The following VPS50 variants were observed in gnomAD, a reference collection of about 807,000 sequenced individuals.
VPS50 encodes VPS50 subunit of EARP/GARPII complex, also known as syndetin.
VPS50 carries 70 observed loss-of-function variants against 139.7 expected under a neutral mutation model. That is an observed-to-expected ratio of 0.50 (90% CI 0.41 to 0.61). The LOEUF is 0.61. Ranked by LOEUF, VPS50 falls within the 20% of genes least tolerant of loss-of-function variation. VPS50 has a pLI of 0.00. For missense variants in VPS50, 921 were observed against 1,133.7 expected, an observed-to-expected ratio of 0.81 and a Z score of 2.69; for synonymous variants, 365 against 376.7, an observed-to-expected ratio of 0.97 and a Z score of 0.36.
intron 20 of VPS50, among the ~76,000 whole-genome samples, chr7:93,314,864 A>G (rs1051136753): frequency 2.0e-5 from 3 of 152,028 alleles, no homozygotes; most frequent in Non-Finnish European, 2.9e-5. Flanking sequence ...CAAATACTAG[A>G]TGACAGACTG....
At chr7:93,309,719 A>AAT (rs1488740729) in intron 19 of VPS50, among the ~76,000 whole-genome samples, 1 of 151,956 alleles carries the variant, frequency 6.6e-6, no homozygotes, top group Non-Finnish European at 1.5e-5. Flanking sequence ...CTTCAAAACT[A>AAT]TGATAATTAT....
At chr7:93,325,514 A>G (rs919604633) in intron 21 of VPS50, among the ~76,000 whole-genome samples, 3 of 151,850 alleles carry the variant, frequency 2.0e-5, no homozygotes, top group Admixed American at 6.6e-5. Context: ...TGAACAGGCA[A>G]CCTACAAAAT....
At chr7:93,301,946 T>C (rs1009422763) in intron 16 of VPS50, among the ~76,000 whole-genome samples, 1 of 152,238 alleles carries the variant, frequency 6.6e-6, no homozygotes, top group African/African-American at 2.4e-5. Flanking sequence ...TCTCTGATTA[T>C]GGCTGTCCTA....
intron 21 of VPS50, among the ~76,000 whole-genome samples, chr7:93,329,864 A>G (rs1308832480): frequency 6.6e-6 from 1 of 152,210 alleles, no homozygotes; most frequent in East Asian, 1.9e-4. Flanking sequence ...AAATACTAAG[A>G]GAATTTGTCA....
chr7:93,246,681 T>G (rs984068718), intron 2 of VPS50, among the ~76,000 whole-genome samples: 1 of 151,846 alleles, frequency 6.6e-6, no homozygotes, highest in Non-Finnish European at 1.5e-5. Flanking sequence ...AGCCCTGAAT[T>G]TGGATTAGTA....
rs1797689655 is a variant in VPS50, at chr7:93,323,833, A to G, written c.1977+101A>G. 9 of 550,146 alleles carry G rather than the reference A, an allele frequency of 1.6e-5. No individual in the cohort carries two copies. The South Asian group carries it at 3.6e-4, about 22-fold the overall frequency. The allele number at this position is 550,146 out of a possible 1,614,324, so 34.1% of individuals were successfully genotyped here. ...CTATAGAAGATACACAAATAACATTATTTTGGGGATTATGCATCAAAAACA... is the reference window on the plus strand; with the variant it reads ...CTATAGAAGATACACAAATAACATTGTTTTGGGGATTATGCATCAAAAACA... On this transcript the variant is annotated intron_variant, in intron 21 of 27. Transcript: ENST00000305866.
intron 21 of VPS50, among the ~76,000 whole-genome samples, chr7:93,325,713 A>C (rs748851571): frequency 0.014 from 2,076 of 150,618 alleles, 35 homozygotes; most frequent in African/African-American, 0.035. Context: ...CCATCACTGG[A>C]CATCAGAGAA....
chr7:93,241,222 GC>G (rs1794979049), intron 2 of VPS50, among the ~76,000 whole-genome samples: 2 of 152,054 alleles, frequency 1.3e-5, no homozygotes, highest in Admixed American at 1.3e-4. Context: ...TCCACCATGA[GC>G]CATGATGTTT....
intron 12 of VPS50, among the ~76,000 whole-genome samples, chr7:93,290,791 A>G (rs748530896): frequency 2.0e-5 from 3 of 151,992 alleles, no homozygotes; most frequent in Non-Finnish European, 4.4e-5. Context: ...GTTTAGAGGG[A>G]GAGATCATTA....
At chr7:93,310,939 T>C (rs1797249536) in intron 19 of VPS50, among the ~76,000 whole-genome samples, 1 of 152,160 alleles carries the variant, frequency 6.6e-6, no homozygotes, top group Non-Finnish European at 1.5e-5. Context: ...TAGTGGTTGA[T>C]AATGTTTTAT....
chr7:93,289,981 A>T (rs890668300), intron 12 of VPS50, among the ~76,000 whole-genome samples: 3 of 151,828 alleles, frequency 2.0e-5, no homozygotes. Context: ...GGAGTGTTTC[A>T]TGGTTTTCTT....
At chr7:93,273,569 A>G (rs1796071801) in intron 11 of VPS50, 1 of 152,102 alleles carries the variant, frequency 6.6e-6, no homozygotes, top group Non-Finnish European at 1.5e-5. Flanking sequence ...TTTGAGGGAT[A>G]TGTTTAAACA....
rs1391958453 is a variant in VPS50, at chr7:93,359,779, A to G, written c.*1343A>G. The G allele has an allele frequency of 2.0e-5, 3 of 152,114 alleles. No individual in the cohort carries two copies. The highest frequency in any genetic ancestry group is 4.8e-5 in the African/African-American group (2 of 41,440). The allele number at this position is 152,114 out of a possible 1,614,324, so 9.4% of individuals were successfully genotyped here. ...CAAGCATGGAGGTGATAAGGAAACA[A>G]TTGCTACTCTGTGTCCATCAGTCCC... On this transcript the variant is annotated 3_prime_UTR_variant, in exon 28 of 28. Coordinates refer to ENST00000305866, the MANE Select transcript of VPS50 (RefSeq NM_017667.4).
At chr7:93,235,578 G>C (rs1794774818) in intron 1 of VPS50, among the ~76,000 whole-genome samples, 1 of 152,144 alleles carries the variant, frequency 6.6e-6, no homozygotes, top group Admixed American at 6.5e-5. Flanking sequence ...AAATGTAGAG[G>C]TGACAGAATT....
chr7:93,234,512 ATGGCT>A (rs1794740628), intron 1 of VPS50, among the ~76,000 whole-genome samples: 2 of 152,236 alleles, frequency 1.3e-5, no homozygotes. Flanking sequence ...TATATATGTT[ATGGCT>A]TGACTTTCAC....
chr7:93,240,247 A>T (rs544367217), intron 2 of VPS50, among the ~76,000 whole-genome samples: 1,662 of 143,964 alleles, frequency 0.012, 31 homozygotes, highest in African/African-American at 0.034. Context: ...ACACACACAC[A>T]CACTCTCTCT....
chr7:93,245,798 G>A (rs1367125367), intron 2 of VPS50, among the ~76,000 whole-genome samples: 2 of 151,784 alleles, frequency 1.3e-5, no homozygotes, highest in East Asian at 1.9e-4. Context: ...CTGATGAACC[G>A]GCTATCTTTG....
intron 22 of VPS50, 32 bp from the exon 23 acceptor site, chr7:93,341,395 T>C: frequency 6.6e-7 from 1 of 1,516,058 alleles, no homozygotes; most frequent in Non-Finnish European, 9.0e-7. Context: ...TTAGATTTGT[T>C]ATTCCAGGTT....
At chr7:93,316,662 A>G (rs1024767406) in intron 20 of VPS50, among the ~76,000 whole-genome samples, 4 of 152,220 alleles carry the variant, frequency 2.6e-5, no homozygotes, top group Non-Finnish European at 2.9e-5. Context: ...AGGAAGACCA[A>G]GTTTTCCGAG....
Sources: gnomAD v4.1 joint callset for allele counts (sites outside exome capture counted in the v4.1 genomes callset) on GRCh38, gnomAD v4.1.1 for gene constraint, MANE v1.5 for transcripts, NCBI Gene and HGNC (gene_info 2026-07-23, HGNC 2026-07-21) for gene names.